Variants in DEAF1 observed in about 807,000 individuals in gnomAD.
The protein encoded by DEAF1 is deformed epidermal autoregulatory factor 1 homolog.
DEAF1 carries 53 observed loss-of-function variants against 58.9 expected under a neutral mutation model. The observed-to-expected ratio is 0.90, with a 90% CI of 0.72 to 1.13. The LOEUF is 1.13. Among genes scored for constraint, DEAF1 ranks in the 50% most tolerant of loss-of-function variants. The pLI is 0.00. For synonymous variants in DEAF1, 385 were observed against 340.4 expected (o/e 1.13, Z -1.44); for missense variants, 685 against 791.4 (o/e 0.87, Z 1.61).
At chr11:684,874 G>A (rs1860522547) in intron 6 of DEAF1, 24 bp downstream of exon 6, 1 of 1,550,772 alleles carries the variant, frequency 6.4e-7, no homozygotes, top group Middle Eastern at 1.7e-4. Context: ...AAGTCATCCT[G>A]TTCCAGACAC....
chr11:688,224 A>C lies in DEAF1; in HGVS notation c.517+107T>G. The C allele has an allele frequency of 1.3e-6, 2 of 1,525,716 alleles. No homozygotes were observed. The highest frequency in any genetic ancestry group is 4.6e-5 in the East Asian group (2 of 43,342). The allele number at this position is 1,525,716 out of a possible 1,614,324, so 94.5% of individuals were successfully genotyped here. A position where few individuals can be genotyped will look rare whatever the true frequency, so the allele number is the denominator to read the frequency against. ...TACTTAAAATCTATTAATAGATGAT[A>C]TTCCAAATTTACCACAAAAAGAAAC... On this transcript the variant is annotated intron_variant, in intron 3 of 11. Transcript: ENST00000382409. The surrounding 1 kb of genome is among the most constrained non-coding windows in gnomAD (Gnocchi z 4.3).
intron 5 of DEAF1, among the ~76,000 whole-genome samples, chr11:685,464 G>A (rs1368435870): frequency 6.6e-6 from 1 of 151,836 alleles, no homozygotes; most frequent in Non-Finnish European, 1.5e-5. Context: ...AGAGGCCGAC[G>A]CAGGCAGACC....
At chr11:677,971 A>AAC (rs1170609056) in intron 9 of DEAF1, among the ~76,000 whole-genome samples, 14 of 148,944 alleles carry the variant, frequency 9.4e-5, no homozygotes, top group South Asian at 6.4e-4. Flanking sequence ...TCAAAAAAAA[A>AAC]AACAAAAAAC....
intron 1 of DEAF1, chr11:704,294 G>A: frequency 1.5e-6 from 1 of 685,708 alleles, no homozygotes; most frequent in Non-Finnish European, 2.1e-6. Context: ...GAGGCTGCGG[G>A]ACTGTCCTGG....
At chr11:661,778 A>G (rs2133320554) in intron 10 of DEAF1, among the ~76,000 whole-genome samples, 1 of 152,338 alleles carries the variant, frequency 6.6e-6, no homozygotes, top group South Asian at 2.1e-4. Flanking sequence ...TGCTGGAGGC[A>G]TGGGTGCTCT....
chr11:663,877 G>C (rs1312338526), intron 10 of DEAF1, among the ~76,000 whole-genome samples: 1 of 152,202 alleles, frequency 6.6e-6, no homozygotes, highest in Non-Finnish European at 1.5e-5. Flanking sequence ...TGCTACCATG[G>C]CTTCCTGAAG....
chr11:682,077 C>T (rs1474041164), intron 6 of DEAF1, among the ~76,000 whole-genome samples: 2 of 152,226 alleles, frequency 1.3e-5, no homozygotes, highest in African/African-American at 4.8e-5. Flanking sequence ...TCTTACTGAG[C>T]CTGTTCTCCT....
chr11:667,092 CAGAA>C (rs1375540589), intron 10 of DEAF1, among the ~76,000 whole-genome samples: 1 of 151,688 alleles, frequency 6.6e-6, no homozygotes, highest in Non-Finnish European at 1.5e-5. Context: ...CCCAGCTACT[CAGAA>C]GGCTGAGGTA....
At chr11:646,232 G>A (rs7130339) in intron 11 of DEAF1, 72,066 of 140,002 alleles carry the variant, frequency 0.51, 18,290 homozygotes, top group East Asian at 0.73. Context: ...CAGCCCGGGC[G>A]ACAGAGTGAG....
At chr11:656,384 C>T (rs533346584) in intron 10 of DEAF1, among the ~76,000 whole-genome samples, 2 of 152,204 alleles carry the variant, frequency 1.3e-5, no homozygotes, top group African/African-American at 4.8e-5. Flanking sequence ...TCGGAAACTC[C>T]TGACCTCAGG....
intron 10 of DEAF1, among the ~76,000 whole-genome samples, chr11:669,105 G>C (rs560232757): frequency 2.8e-3 from 419 of 148,106 alleles, no homozygotes; most frequent in Non-Finnish European, 4.7e-3. Flanking sequence ...GATTACAGGC[G>C]TAAGCCACTG....
intron 7 of DEAF1, among the ~76,000 whole-genome samples, chr11:680,326 CAG>C (rs1860297131): frequency 6.6e-6 from 1 of 152,214 alleles, no homozygotes; most frequent in Non-Finnish European, 1.5e-5. Flanking sequence ...AAGGAGCTGA[CAG>C]GGTGTTTTAG....
Position 688,547 on chromosome 11 carries a change from G to A in DEAF1, c.388-87C>T. 6.5e-7 allele frequency: 1 copy of A among 1,549,212 alleles called. No homozygotes were observed. The highest frequency in any genetic ancestry group is 2.2e-5 in the East Asian group (1 of 44,592). ...CCCAGCTGGGCCGTCCTCCAGCAGGGCTCTCTGGCTGTTCTCACCAAGAAG... is the reference window on the plus strand; with the variant it reads ...CCCAGCTGGGCCGTCCTCCAGCAGGACTCTCTGGCTGTTCTCACCAAGAAG... On this transcript the variant is annotated intron_variant, in intron 2 of 11. Transcript: ENST00000382409. The surrounding 1 kb of genome is among the most constrained non-coding windows in gnomAD (Gnocchi z 4.3).
intron 10 of DEAF1, among the ~76,000 whole-genome samples, chr11:664,398 C>T (rs140994710): frequency 1.3e-5 from 2 of 152,102 alleles, no homozygotes; most frequent in Non-Finnish European, 2.9e-5. Flanking sequence ...TTCGGAGCCT[C>T]TAAGTCCTGA....
At position 665,145 on chromosome 11, in the gene DEAF1, A is replaced by G. The variant is rs1431903179; in HGVS notation, c.1503+9391T>C. On this transcript the variant is annotated intron_variant, in intron 10 of 11. Coordinates refer to ENST00000382409, the MANE Select transcript of DEAF1 (RefSeq NM_021008.4). The stretch of plus-strand genomic sequence containing the variant: ...ACAGGGTGTCACACTCGGTCACTCT[A>G]AGTAAGTCCTGGCTCAGCTATTCAC... Among the ~76,000 whole-genome samples, 7 of 114,024 alleles carry G rather than the reference A, an allele frequency of 6.1e-5. 1 individual carries two copies. The highest frequency in any genetic ancestry group is 4.4e-4 in the Admixed American group (5 of 11,406). 74.8% of individuals were successfully genotyped at this position (114,024 alleles called of 152,430 possible).
intron 10 of DEAF1, among the ~76,000 whole-genome samples, chr11:659,751 T>G (rs1859230178): frequency 6.6e-6 from 1 of 152,060 alleles, no homozygotes; most frequent in Non-Finnish European, 1.5e-5. Context: ...GGCACTGCAG[T>G]GAGTTCAGGT....
chr11:679,312 C>T (rs1251875912), intron 8 of DEAF1, among the ~76,000 whole-genome samples: 6 of 78,912 alleles, frequency 7.6e-5, no homozygotes, highest in African/African-American at 1.8e-4. Context: ...GAGACTCCAC[C>T]TCAAAAAAAA....
In DEAF1 at chr11:688,193, T is replaced by A. The variant is rs1860679843; in HGVS notation, c.518-136A>T. On this transcript the variant is annotated intron_variant, in intron 3 of 11. Coordinates refer to ENST00000382409, the MANE Select transcript of DEAF1 (RefSeq NM_021008.4). This position sits in a 1 kb window ranked among gnomAD's most constrained non-coding sequence, Gnocchi z 4.3. ...AACTTCTTGGTCAGGAAAATTCCAA[T>A]GCTTTTACTTAAAATCTATTAATAG... 1 of 1,520,088 alleles carries A rather than the reference T, an allele frequency of 6.6e-7. No individual in the cohort carries two copies. Among genetic ancestry groups the A allele is most frequent in the Non-Finnish European group, 8.9e-7 (1 of 1,121,410 alleles). 94.2% of individuals were successfully genotyped at this position (1,520,088 alleles called of 1,614,324 possible). A position where few individuals can be genotyped will look rare whatever the true frequency, so the allele number is the denominator to read the frequency against.
chr11:653,550 C>G (rs1858894626), intron 11 of DEAF1, among the ~76,000 whole-genome samples: 1 of 141,544 alleles, frequency 7.1e-6, no homozygotes, highest in African/African-American at 2.7e-5. Flanking sequence ...TGTGGACAGT[C>G]TCTCTTGCGT....
Sources: allele counts gnomAD v4.1 joint callset (sites outside exome capture counted in the v4.1 genomes callset), GRCh38; gene constraint gnomAD v4.1.1; non-coding constraint Gnocchi (gnomAD v3.1); transcripts MANE v1.5; gene names NCBI Gene and HGNC (gene_info 2026-07-23, HGNC 2026-07-21).